JAZF1: variants seen among roughly 807,000 people sequenced by gnomAD.
The protein encoded by JAZF1 is juxtaposed with another zinc finger protein 1.
A neutral mutation model predicts 26.4 loss-of-function variants in JAZF1; 8 were observed. The observed-to-expected ratio is 0.30, with a 90% CI of 0.18 to 0.55. JAZF1 has a LOEUF of 0.55. JAZF1 is among the 20% of genes least tolerant of loss of function. The probability of loss-of-function intolerance (pLI) is 0.94; values close to 1 mark genes in which losing one functional copy is unlikely to be tolerated. For missense variants in JAZF1, 199 were observed against 322.0 expected, an observed-to-expected ratio of 0.62 and a Z score of 2.92; for synonymous variants, 126 against 122.3, an observed-to-expected ratio of 1.03 and a Z score of -0.20.
chr7:28,053,146 A>G (rs751459416), intron 1 of JAZF1, among the ~76,000 whole-genome samples: 1 of 152,202 alleles, frequency 6.6e-6, no homozygotes, highest in Non-Finnish European at 1.5e-5. Context: ...GTAACATGTG[A>G]TAGGATTTCC....
At chr7:28,114,040 TTA>T (rs1490106408) in intron 1 of JAZF1, among the ~76,000 whole-genome samples, 2 of 152,270 alleles carry the variant, frequency 1.3e-5, no homozygotes, top group Admixed American at 1.3e-4. Context: ...TGGGTATTGT[TTA>T]TTATTCTTCA....
At chr7:28,090,281 TATC>T (rs1277727621) in intron 1 of JAZF1, among the ~76,000 whole-genome samples, 5 of 152,216 alleles carry the variant, frequency 3.3e-5, no homozygotes, top group Non-Finnish European at 7.3e-5. Context: ...TAACTGCCAT[TATC>T]ATCATCATCA....
intron 1 of JAZF1, among the ~76,000 whole-genome samples, chr7:28,001,219 TG>T (rs1355563847): frequency 2.6e-5 from 4 of 151,856 alleles, no homozygotes; most frequent in African/African-American, 9.7e-5. Context: ...CCAGGCATGG[TG>T]GCGTGCCTGT....
At chr7:28,090,928 G>A (rs1311426292) in intron 1 of JAZF1, among the ~76,000 whole-genome samples, 35 of 146,762 alleles carry the variant, frequency 2.4e-4, no homozygotes, top group African/African-American at 8.8e-4. Context: ...CCGGGTTCAC[G>A]CCATTCTCCT....
At chr7:27,889,076 G>A (rs1783921857) in intron 3 of JAZF1, among the ~76,000 whole-genome samples, 1 of 152,170 alleles carries the variant, frequency 6.6e-6, no homozygotes, top group Non-Finnish European at 1.5e-5. Flanking sequence ...ATACTACAAT[G>A]AGATGGGCCA....
chr7:28,020,736 G>A (rs947748562), intron 1 of JAZF1: 8 of 470,616 alleles, frequency 1.7e-5, no homozygotes, highest in African/African-American at 1.4e-4. Flanking sequence ...CTGCATCCAT[G>A]CTAGTGGCTG....
intron 1 of JAZF1, among the ~76,000 whole-genome samples, chr7:28,070,276 G>C (rs946306519): frequency 1.3e-5 from 2 of 152,114 alleles, no homozygotes; most frequent in Non-Finnish European, 2.9e-5. Flanking sequence ...ACAGTCTAGA[G>C]GCACTGCATA....
In JAZF1 at chr7:27,831,374, A is replaced by C. The variant is rs1305917292; in HGVS notation, c.*1426T>G. 1 of 227,248 alleles carries C rather than the reference A, an allele frequency of 4.4e-6. No homozygotes were observed. The highest frequency in any genetic ancestry group is 8.8e-6 in the Non-Finnish European group (1 of 114,102). 14.1% of individuals were successfully genotyped at this position (227,248 alleles called of 1,614,324 possible). A position where few individuals can be genotyped will look rare whatever the true frequency, so the allele number is the denominator to read the frequency against. ...TTTATAAGCAATTTGAGTTTGTTTT[A>C]TGGGCAGTTAGCTATCTCAAAGCAT... On this transcript the variant is annotated 3_prime_UTR_variant, in exon 5 of 5. Transcript: ENST00000283928.
intron 1 of JAZF1, among the ~76,000 whole-genome samples, chr7:28,012,459 C>A (rs1262660428): frequency 1.3e-5 from 2 of 152,140 alleles, no homozygotes; most frequent in Non-Finnish European, 2.9e-5. Flanking sequence ...AACCAAAAAA[C>A]CCCTCTTAAA....
In JAZF1 at chr7:28,110,589, A is replaced by AG. The variant is rs1562591084; in HGVS notation, c.115+69873dup. On this transcript the variant is annotated intron_variant, in intron 1 of 4. Coordinates refer to ENST00000283928, the MANE Select transcript of JAZF1 (RefSeq NM_175061.4). ...AGGAAAAGGGAAAGGGAAAAGGAAA[A>AG]GGAAAAGGAAAAGGAAAAGGAAAGG... Among the ~76,000 whole-genome samples, 3 of 68,328 alleles carry AG rather than the reference A, an allele frequency of 4.4e-5. 1 individual carries two copies. Among genetic ancestry groups the AG allele is most frequent in the African/African-American group, 1.2e-4 (3 of 24,214 alleles). The allele number at this position is 68,328 out of a possible 152,430, so 44.8% of individuals were successfully genotyped here. A position where few individuals can be genotyped will look rare whatever the true frequency, so the allele number is the denominator to read the frequency against.
At chr7:27,854,747 C>G (rs1277343981) in intron 3 of JAZF1, among the ~76,000 whole-genome samples, 1 of 152,256 alleles carries the variant, frequency 6.6e-6, no homozygotes. Flanking sequence ...TGCTGTTAGT[C>G]TGATGGGCTT....
chr7:28,158,186 C>G (rs4990209), intron 1 of JAZF1, among the ~76,000 whole-genome samples: 9,884 of 143,350 alleles, frequency 0.069, 798 homozygotes, highest in African/African-American at 0.2. Context: ...CACACACACA[C>G]AGAGAGAGAG....
intron 1 of JAZF1, among the ~76,000 whole-genome samples, chr7:28,154,671 T>G (rs911166897): frequency 6.6e-6 from 1 of 151,898 alleles, no homozygotes; most frequent in African/African-American, 2.4e-5. Flanking sequence ...CTGAGCAACC[T>G]TAGGCTGCTG....
chr7:27,863,876 T>G (rs1436430316), intron 3 of JAZF1: 1 of 152,162 alleles, frequency 6.6e-6, no homozygotes, highest in African/African-American at 2.4e-5. Flanking sequence ...ATGAAACGCC[T>G]AAGTTCAATT....
chr7:27,885,032 G>A (rs117389916), intron 3 of JAZF1, among the ~76,000 whole-genome samples: 37 of 152,236 alleles, frequency 2.4e-4, no homozygotes, highest in Non-Finnish European at 4.4e-4. Flanking sequence ...AGGAGGGGAG[G>A]GAGTTTCAGA....
At chr7:28,125,115 A>C (rs553264093) in intron 1 of JAZF1, among the ~76,000 whole-genome samples, 137 of 150,936 alleles carry the variant, frequency 9.1e-4, no homozygotes, top group Non-Finnish European at 1.7e-3. Context: ...CACCACACTG[A>C]GAAGGTGCAA....
intron 3 of JAZF1, among the ~76,000 whole-genome samples, chr7:27,888,096 C>T (rs1783900695): frequency 6.6e-6 from 1 of 152,164 alleles, no homozygotes; most frequent in African/African-American, 2.4e-5. Flanking sequence ...TCTCCAGCTA[C>T]AAAAGCGGGT....
intron 2 of JAZF1, among the ~76,000 whole-genome samples, chr7:27,944,630 CAT>C (rs1178033711): frequency 3.3e-5 from 5 of 152,160 alleles, no homozygotes; most frequent in African/African-American, 1.2e-4. Context: ...TTGACTGAAA[CAT>C]ATGGATGTGA....
At chr7:28,162,409 C>T (rs1783306997) in intron 1 of JAZF1, among the ~76,000 whole-genome samples, 1 of 152,212 alleles carries the variant, frequency 6.6e-6, no homozygotes, top group Non-Finnish European at 1.5e-5. Context: ...CCAGAGAATC[C>T]AGCTTCTACC....
Sources: allele counts gnomAD v4.1 joint callset (sites outside exome capture counted in the v4.1 genomes callset), GRCh38; gene constraint gnomAD v4.1.1; transcripts MANE v1.5; gene names NCBI Gene and HGNC (gene_info 2026-07-23, HGNC 2026-07-21).